The following SPATS2L variants were observed in gnomAD, a reference collection of about 807,000 sequenced individuals.
SPATS2L encodes spermatogenesis associated serine rich 2 like, also known as SPATS2-like protein.
SPATS2L carries 30 observed loss-of-function variants against 59.6 expected under a neutral mutation model. The observed-to-expected ratio is 0.50, with a 90% CI of 0.38 to 0.68. The LOEUF (loss-of-function observed/expected upper bound fraction) is 0.68. Among genes scored for constraint, SPATS2L ranks in the 30% least tolerant of loss-of-function variants. The pLI is 0.00. For missense variants in SPATS2L, 615 were observed against 700.0 expected, an observed-to-expected ratio of 0.88 and a Z score of 1.37; for synonymous variants, 252 against 263.5, an observed-to-expected ratio of 0.96 and a Z score of 0.42.
rs559888068 is a variant in SPATS2L, at chr2:200,375,345, G to A, written c.-22-13878G>A. ...TTGGACAAAAGTGTAGGCTTTGATC[G>A]AGAGGAACTAGAGAGCTATAGTCTA... On this transcript the variant is annotated intron_variant, in intron 2 of 12. Coordinates refer to ENST00000409140, the MANE Select transcript of SPATS2L (RefSeq NM_001100423.2). Among the ~76,000 whole-genome samples the A allele has an allele frequency of 1.2e-4, 18 of 152,230 alleles. No homozygotes were observed. In the East Asian group the frequency reaches 2.1e-3, roughly 18 times the overall value.
Position 200,306,905 on chromosome 2 carries a change from C to T in SPATS2L, c.-90C>T. 2.0e-6 allele frequency: 2 copies of T among 981,262 alleles called. No homozygotes were observed. The highest frequency in any genetic ancestry group is 9.4e-5 in the South Asian group (2 of 21,254). The allele number at this position is 981,262 out of a possible 1,614,324, so 60.8% of individuals were successfully genotyped here. On this transcript the variant is annotated 5_prime_UTR_variant, in exon 1 of 13. Transcript: ENST00000409140. The stretch of plus-strand genomic sequence containing the variant: ...CCGGCTCCGGCCCGGGACGGAGGAG[C>T]CGGCGCTCGACACAGAGGTAAGCCC...
At chr2:200,392,070 A>G (rs1174017397) in intron 3 of SPATS2L, among the ~76,000 whole-genome samples, 1 of 152,212 alleles carries the variant, frequency 6.6e-6, no homozygotes, top group African/African-American at 2.4e-5. Flanking sequence ...TGAAATATAT[A>G]TACCATTCCT....
intron 11 of SPATS2L, among the ~76,000 whole-genome samples, chr2:200,472,089 C>CCCTGAGG (rs2087089884): frequency 6.6e-6 from 1 of 152,132 alleles, no homozygotes; most frequent in African/African-American, 2.4e-5. Flanking sequence ...CCTGCCTGAG[C>CCCTGAGG]CCTGAGCCCT....
intron 6 of SPATS2L, among the ~76,000 whole-genome samples, chr2:200,423,116 A>C (rs2083385009): frequency 6.6e-6 from 1 of 152,208 alleles, no homozygotes; most frequent in Non-Finnish European, 1.5e-5. Context: ...CATTACTCAG[A>C]ACAGTATGAA....
intron 2 of SPATS2L, among the ~76,000 whole-genome samples, chr2:200,356,624 G>C (rs1013168535): frequency 6.6e-6 from 1 of 152,138 alleles, no homozygotes; most frequent in African/African-American, 2.4e-5. Flanking sequence ...ATGCAAATGA[G>C]CAATATAACT....
chr2:200,312,934 T>C (rs2079241224), intron 1 of SPATS2L, among the ~76,000 whole-genome samples: 1 of 152,208 alleles, frequency 6.6e-6, no homozygotes, highest in Non-Finnish European at 1.5e-5. Context: ...ATCATAGTTA[T>C]CACTTATTGA....
intron 1 of SPATS2L, among the ~76,000 whole-genome samples, chr2:200,310,905 C>G (rs538134466): frequency 6.6e-6 from 1 of 152,306 alleles, no homozygotes; most frequent in African/African-American, 2.4e-5. Flanking sequence ...TCATGTTACT[C>G]TCATTGGTTC....
At chr2:200,331,864 C>T (rs1303759943) in intron 2 of SPATS2L, among the ~76,000 whole-genome samples, 4 of 152,188 alleles carry the variant, frequency 2.6e-5, no homozygotes. Context: ...GTATTGTCAT[C>T]TAAGTATGTC....
intron 2 of SPATS2L, among the ~76,000 whole-genome samples, chr2:200,387,684 G>A (rs1490327633): frequency 6.6e-6 from 1 of 152,114 alleles, no homozygotes; most frequent in African/African-American, 2.4e-5. Context: ...CTGGAGGTGG[G>A]TACACTCTTT....
intron 3 of SPATS2L, among the ~76,000 whole-genome samples, chr2:200,399,042 A>G (rs773799463): frequency 4.5e-4 from 68 of 152,252 alleles, no homozygotes; most frequent in Non-Finnish European, 8.5e-4. Flanking sequence ...GATCAATTAT[A>G]TAACTTAATG....
intron 2 of SPATS2L, among the ~76,000 whole-genome samples, chr2:200,370,641 A>C (rs2081399800): frequency 6.6e-6 from 1 of 152,178 alleles, no homozygotes; most frequent in South Asian, 2.1e-4. Flanking sequence ...ATTATTCTAT[A>C]TATATTAGTT....
At chr2:200,422,840 TA>T (rs2083370083) in intron 6 of SPATS2L, among the ~76,000 whole-genome samples, 1 of 152,130 alleles carries the variant, frequency 6.6e-6, no homozygotes, top group African/African-American at 2.4e-5. Flanking sequence ...AAATAACCAA[TA>T]ATAAATAGAA....
chr2:200,344,324 TG>T, intron 2 of SPATS2L, among the ~76,000 whole-genome samples: 1 of 152,142 alleles, frequency 6.6e-6, no homozygotes, highest in Non-Finnish European at 1.5e-5. Flanking sequence ...CACAACATTT[TG>T]TTTTCTGTTC....
rs998114103 is a variant in SPATS2L at position 200,437,191 on chromosome 2, G to A, written c.446-1931G>A. ...ACCCAGGCTCAAGTATTCCCTTACAGCAATGCAAAAACAGCCTAACCCAGA... is the reference window on the plus strand; with the variant it reads ...ACCCAGGCTCAAGTATTCCCTTACAACAATGCAAAAACAGCCTAACCCAGA... On this transcript the variant is annotated intron_variant, in intron 6 of 12. Coordinates refer to ENST00000409140, the MANE Select transcript of SPATS2L (RefSeq NM_001100423.2). Among the ~76,000 whole-genome samples the A allele has an allele frequency of 4.6e-5, 7 of 152,138 alleles. 1 individual carries two copies. Among genetic ancestry groups the A allele is most frequent in the African/African-American group, 1.7e-4 (7 of 41,420 alleles).
At chr2:200,385,897 G>GTA (rs2081977384) in intron 2 of SPATS2L, among the ~76,000 whole-genome samples, 2 of 152,140 alleles carry the variant, frequency 1.3e-5, no homozygotes, top group Non-Finnish European at 2.9e-5. Context: ...GTTTCACTGT[G>GTA]TTAGCCAGGA....
chr2:200,374,433 T>TTA (rs2081532596), intron 2 of SPATS2L, among the ~76,000 whole-genome samples: 1 of 152,190 alleles, frequency 6.6e-6, no homozygotes, highest in South Asian at 2.1e-4. Flanking sequence ...AGAAGCCACT[T>TTA]TATGTACATG....
chr2:200,440,792 A>G lies in SPATS2L; in HGVS notation c.788+8A>G, dbSNP rs772927866. 1 of 1,612,868 alleles carries G rather than the reference A, an allele frequency of 6.2e-7. No homozygotes were observed. Among genetic ancestry groups the G allele is most frequent in the African/African-American group, 1.3e-5 (1 of 74,992 alleles). On this transcript the variant is annotated splice_region_variant and intron_variant, in intron 8 of 12. Coordinates refer to ENST00000409140, the MANE Select transcript of SPATS2L (RefSeq NM_001100423.2). ...TGCTGAATTACACAACTGGTGAGTG[A>G]TTCAACGTAGGAACCATAAATTTGT...
intron 4 of SPATS2L, among the ~76,000 whole-genome samples, chr2:200,415,208 C>A (rs2083014612): frequency 6.6e-6 from 1 of 152,160 alleles, no homozygotes; most frequent in Non-Finnish European, 1.5e-5. Flanking sequence ...GTACATGCAA[C>A]TCAGACAAGT....
At chr2:200,450,960 A>G (rs2085396611) in intron 8 of SPATS2L, among the ~76,000 whole-genome samples, 1 of 152,202 alleles carries the variant, frequency 6.6e-6, no homozygotes, top group African/African-American at 2.4e-5. Flanking sequence ...GATTCCATGC[A>G]GAAGAAGCAA....
Sources: gnomAD v4.1 joint callset for allele counts (sites outside exome capture counted in the v4.1 genomes callset) on GRCh38, gnomAD v4.1.1 for gene constraint, MANE v1.5 for transcripts, NCBI Gene and HGNC (gene_info 2026-07-23, HGNC 2026-07-21) for gene names.